ZSWIM5: variants seen among roughly 807,000 people sequenced by gnomAD.
ZSWIM5 encodes zinc finger SWIM domain-containing protein 5.
In ZSWIM5, 55 loss-of-function variants were observed where a neutral mutation model predicts 119.6. The observed-to-expected ratio is 0.46, with a 90% CI of 0.37 to 0.58. The LOEUF is 0.58. Ranked by LOEUF, ZSWIM5 falls within the 20% of genes least tolerant of loss-of-function variation. ZSWIM5 has a pLI of 0.00. For missense variants in ZSWIM5, 1,193 were observed against 1,512.8 expected (o/e 0.79, Z 3.51); for synonymous variants, 537 against 606.9 (o/e 0.88, Z 1.69).
At chr1:45,185,298 T>A (rs1171704452) in intron 1 of ZSWIM5, among the ~76,000 whole-genome samples, 1 of 150,474 alleles carries the variant, frequency 6.6e-6, no homozygotes, top group South Asian at 2.1e-4. Context: ...ATAAAAACCC[T>A]AGAAGAAAAC....
At chr1:45,069,673 A>G (rs1645209882) in intron 2 of ZSWIM5, among the ~76,000 whole-genome samples, 1 of 152,106 alleles carries the variant, frequency 6.6e-6, no homozygotes, top group African/African-American at 2.4e-5. Context: ...ATTTGATATT[A>G]TAGTTGTAGA....
intron 1 of ZSWIM5, among the ~76,000 whole-genome samples, chr1:45,178,756 G>C (rs1381357206): frequency 6.6e-6 from 1 of 152,046 alleles, no homozygotes; most frequent in Non-Finnish European, 1.5e-5. Context: ...TTTTGAGACA[G>C]AGTACTCTAT....
At chr1:45,076,257 A>G (rs1013670119) in intron 2 of ZSWIM5, among the ~76,000 whole-genome samples, 1 of 152,036 alleles carries the variant, frequency 6.6e-6, no homozygotes, top group Non-Finnish European at 1.5e-5. Context: ...CATCCTTTTT[A>G]TACTGATAGA....
At chr1:45,033,867 C>CTT (rs970847655) in intron 11 of ZSWIM5, among the ~76,000 whole-genome samples, 1 of 143,600 alleles carries the variant, frequency 7.0e-6, no homozygotes, top group African/African-American at 2.5e-5. Flanking sequence ...GATCCAGGTG[C>CTT]TTTTTTTTTT....
intron 7 of ZSWIM5, 64 bp from the exon 8 acceptor site, chr1:45,039,137 G>A (rs749649171): frequency 2.0e-4 from 319 of 1,579,176 alleles, no homozygotes; most frequent in Non-Finnish European, 2.7e-4. Flanking sequence ...GTCCCTGCCT[G>A]GGTCTTCTTA....
chr1:45,155,267 A>C (rs1645820427), intron 1 of ZSWIM5, among the ~76,000 whole-genome samples: 1 of 152,170 alleles, frequency 6.6e-6, no homozygotes, highest in African/African-American at 2.4e-5. Flanking sequence ...ATGACAAACA[A>C]ACATGAAAAA....
At chr1:45,064,551 C>T (rs1202284879) in intron 2 of ZSWIM5, among the ~76,000 whole-genome samples, 1 of 152,158 alleles carries the variant, frequency 6.6e-6, no homozygotes, top group Non-Finnish European at 1.5e-5. Flanking sequence ...TTGTAAGTAA[C>T]AAGAATTTAT....
intron 1 of ZSWIM5, among the ~76,000 whole-genome samples, chr1:45,163,381 G>T (rs1170380702): frequency 6.6e-6 from 1 of 152,216 alleles, no homozygotes; most frequent in African/African-American, 2.4e-5. Context: ...AACCAGGGCA[G>T]AAAAGCTGAA....
chr1:45,043,082 T>C, intron 6 of ZSWIM5, 137 bp downstream of exon 6: 1 of 874,598 alleles, frequency 1.1e-6, no homozygotes, highest in Non-Finnish European at 1.8e-6. Flanking sequence ...TAAATATCCC[T>C]AATAAAAGCC....
intron 1 of ZSWIM5, among the ~76,000 whole-genome samples, chr1:45,157,464 C>T (rs192512938): frequency 6.6e-6 from 1 of 152,300 alleles, no homozygotes; most frequent in East Asian, 1.9e-4. Flanking sequence ...CATGAGCCAC[C>T]ATGCCTGGCC....
chr1:45,196,034 G>GTTTTTTTTTTTTTT lies in ZSWIM5; in HGVS notation c.595+9708_595+9721dup, dbSNP rs34236930. The stretch of plus-strand genomic sequence containing the variant: ...AGGTGAGCACCGTTACACCCAGCTA[G>GTTTTTTTTTTTTTT]TTTTTTTTTTTTTTTTTTTTTTTTA... On this transcript the variant is annotated intron_variant, in intron 1 of 13. Transcript: ENST00000359600. 7.7e-5 allele frequency among the ~76,000 whole-genome samples: 8 copies of GTTTTTTTTTTTTTT among 103,944 alleles called. 1 individual carries two copies. Among genetic ancestry groups the GTTTTTTTTTTTTTT allele is most frequent in the African/African-American group, 2.5e-4 (7 of 28,190 alleles). The allele number at this position is 103,944 out of a possible 152,430, so 68.2% of individuals were successfully genotyped here.
chr1:45,196,636 C>T (rs1001377154), intron 1 of ZSWIM5, among the ~76,000 whole-genome samples: 1 of 150,242 alleles, frequency 6.7e-6, no homozygotes, highest in East Asian at 2.0e-4. Flanking sequence ...GTGATCTGAC[C>T]GCCTCAGCCT....
chr1:45,115,213 G>T (rs1009345939), intron 1 of ZSWIM5, among the ~76,000 whole-genome samples: 27 of 150,880 alleles, frequency 1.8e-4, no homozygotes, highest in African/African-American at 6.3e-4. Flanking sequence ...CTTCCCAGAT[G>T]GGGCAGCCAG....
At chr1:45,185,248 T>C (rs1646049952) in intron 1 of ZSWIM5, among the ~76,000 whole-genome samples, 1 of 150,754 alleles carries the variant, frequency 6.6e-6, no homozygotes, top group African/African-American at 2.4e-5. Context: ...CAAAAATTAA[T>C]TCAAGATGGA....
chr1:45,180,812 C>G (rs1226992408), intron 1 of ZSWIM5, among the ~76,000 whole-genome samples: 1 of 152,048 alleles, frequency 6.6e-6, no homozygotes, highest in African/African-American at 2.4e-5. Flanking sequence ...CTGCTGATAC[C>G]CAGGCAAACA....
At chr1:45,112,865 T>G (rs1008525260) in intron 1 of ZSWIM5, among the ~76,000 whole-genome samples, 5 of 152,200 alleles carry the variant, frequency 3.3e-5, no homozygotes, top group Non-Finnish European at 7.3e-5. Flanking sequence ...GACAACTGTG[T>G]AGACAGTTCT....
At chr1:45,204,731 A>G (rs192115469) in intron 1 of ZSWIM5, among the ~76,000 whole-genome samples, 2 of 152,168 alleles carry the variant, frequency 1.3e-5, no homozygotes, top group African/African-American at 4.8e-5. Flanking sequence ...AAAAATCAGT[A>G]TTTTCTTCAA....
chr1:45,073,573 T>C (rs1645237593), intron 2 of ZSWIM5, among the ~76,000 whole-genome samples: 1 of 151,826 alleles, frequency 6.6e-6, no homozygotes, highest in Non-Finnish European at 1.5e-5. Flanking sequence ...GATTTTTGTA[T>C]GTTGATTTTG....
intron 1 of ZSWIM5, among the ~76,000 whole-genome samples, chr1:45,188,586 C>G (rs997945338): frequency 6.6e-6 from 1 of 152,176 alleles, no homozygotes; most frequent in Non-Finnish European, 1.5e-5. Context: ...ATGAGTTATA[C>G]AGTACATGAA....
Sources: gnomAD v4.1 joint callset for allele counts (sites outside exome capture counted in the v4.1 genomes callset) on GRCh38, gnomAD v4.1.1 for gene constraint, MANE v1.5 for transcripts, NCBI Gene and HGNC (gene_info 2026-07-23, HGNC 2026-07-21) for gene names.